RTL4: variants seen among roughly 807,000 people sequenced by gnomAD.
RTL4 encodes the protein retrotransposon Gag like 4.
In RTL4, 4 loss-of-function variants were observed where a neutral mutation model predicts 5.3. That is an observed-to-expected ratio of 0.75 (90% CI 0.37 to 1.72). RTL4 has a LOEUF of 1.72. Ranked by LOEUF, RTL4 falls within the 40% of genes most tolerant of loss-of-function variation. The probability of loss-of-function intolerance (pLI) is 0.04; values close to 1 mark genes in which losing one functional copy is unlikely to be tolerated. For synonymous variants in RTL4, 98 were observed against 87.3 expected (o/e 1.12, Z -0.68); for missense variants, 260 against 227.1 (o/e 1.14, Z -0.93).
the RTL4 span, among the ~76,000 whole-genome samples, chrX:112,301,707 AACAC>A: frequency 9.0e-6 from 1 of 111,011 alleles, no homozygotes; most frequent in African/African-American, 3.3e-5. Flanking sequence ...TCACACCAGT[AACAC>A]ACACACTTTG....
chrX:112,306,332 T>C, the RTL4 span, among the ~76,000 whole-genome samples: 1 of 111,743 alleles, frequency 8.9e-6, no homozygotes, highest in East Asian at 2.8e-4. Flanking sequence ...TGTGTGACAA[T>C]TGAGTAACTG....
At chrX:112,328,633 G>C in the RTL4 span, among the ~76,000 whole-genome samples, 1 of 111,569 alleles carries the variant, frequency 9.0e-6, no homozygotes, top group East Asian at 2.8e-4. Flanking sequence ...CCCAGGAATT[G>C]AACTCAGCTC....
chrX:112,305,640 A>C, the RTL4 span, among the ~76,000 whole-genome samples: 1 of 111,873 alleles, frequency 8.9e-6, no homozygotes, highest in Non-Finnish European at 1.9e-5. Flanking sequence ...CTGGGATTAC[A>C]GGCGTGAGCC....
At chrX:112,234,679 A>T in the RTL4 span, among the ~76,000 whole-genome samples, 14 of 111,993 alleles carry the variant, frequency 1.3e-4, no homozygotes, top group Non-Finnish European at 5.6e-5. Context: ...AGAGCAAATG[A>T]GTAGCGGTAG....
the RTL4 span, among the ~76,000 whole-genome samples, chrX:112,202,955 G>A: frequency 9.0e-6 from 1 of 111,678 alleles, no homozygotes; most frequent in Non-Finnish European, 1.9e-5. Context: ...TTCAATTTTT[G>A]TCATTCTGAT....
chrX:112,110,746 A>G, the RTL4 span, among the ~76,000 whole-genome samples: 15 of 111,999 alleles, frequency 1.3e-4, 1 homozygote, highest in South Asian at 3.4e-3. Context: ...TGAGCAGACC[A>G]ATTATTAGGC....
chrX:112,419,831 A>G, the RTL4 span, among the ~76,000 whole-genome samples: 1 of 108,003 alleles, frequency 9.3e-6, no homozygotes, highest in Non-Finnish European at 1.9e-5. Flanking sequence ...CAGGGCTACC[A>G]TATGCCATGA....
the RTL4 span, among the ~76,000 whole-genome samples, chrX:112,151,081 A>T: frequency 4.5e-5 from 5 of 111,991 alleles, no homozygotes; most frequent in Admixed American, 4.7e-4. Flanking sequence ...GAGTGGTCAC[A>T]GTACATCAAA....
At chrX:112,266,793 C>A in the RTL4 span, among the ~76,000 whole-genome samples, 2 of 111,475 alleles carry the variant, frequency 1.8e-5, no homozygotes, top group East Asian at 2.8e-4. Flanking sequence ...GATGTCATAG[C>A]TCTCATAGTT....
chrX:112,363,937 A>G, the RTL4 span, among the ~76,000 whole-genome samples: 25 of 111,140 alleles, frequency 2.2e-4, no homozygotes, highest in African/African-American at 7.8e-4. Context: ...GAGCAAAATC[A>G]TTTCTGATTA....
chrX:112,106,700 A>G, the RTL4 span, among the ~76,000 whole-genome samples: 2 of 111,456 alleles, frequency 1.8e-5, no homozygotes, highest in Non-Finnish European at 3.8e-5. Flanking sequence ...TTTTTTGCTA[A>G]TAGCCCTCTA....
At chrX:112,430,186 T>C in the RTL4 span, among the ~76,000 whole-genome samples, 10 of 111,409 alleles carry the variant, frequency 9.0e-5, no homozygotes, top group African/African-American at 2.9e-4. Flanking sequence ...ATAGGTGTTA[T>C]GCATTTTTCA....
the RTL4 span, among the ~76,000 whole-genome samples, chrX:112,118,260 G>A: frequency 2.7e-5 from 3 of 112,142 alleles, no homozygotes; most frequent in African/African-American, 9.7e-5. Context: ...ATGTTGATCT[G>A]TTCTGTAAGC....
the RTL4 span, among the ~76,000 whole-genome samples, chrX:112,209,022 C>T: frequency 8.9e-6 from 1 of 112,318 alleles, no homozygotes; most frequent in African/African-American, 3.2e-5. Context: ...TCCATCCCTG[C>T]CACCGTGGCC....
the RTL4 span, among the ~76,000 whole-genome samples, chrX:112,370,770 C>T: frequency 9.0e-6 from 1 of 111,151 alleles, no homozygotes; most frequent in Non-Finnish European, 1.9e-5. Context: ...GAGAAGCATT[C>T]CTCTCTTTCT....
chrX:112,103,821 A>G, the RTL4 span, among the ~76,000 whole-genome samples: 3 of 111,265 alleles, frequency 2.7e-5, no homozygotes, highest in Non-Finnish European at 5.7e-5. Context: ...ATGTTTTGAA[A>G]TATATATACA....
At chrX:112,150,922 G>T in the RTL4 span, among the ~76,000 whole-genome samples, 1 of 112,103 alleles carries the variant, frequency 8.9e-6, no homozygotes, top group Non-Finnish European at 1.9e-5. Context: ...AGCACTGTTT[G>T]TTTCTGCTCT....
chrX:112,138,309 T>C, the RTL4 span, among the ~76,000 whole-genome samples: 1 of 112,410 alleles, frequency 8.9e-6, no homozygotes, highest in Non-Finnish European at 1.9e-5. Context: ...GCTGGGTAAT[T>C]CCTAGATATC....
At chrX:112,154,634 A>C in the RTL4 span, among the ~76,000 whole-genome samples, 1 of 112,202 alleles carries the variant, frequency 8.9e-6, no homozygotes, top group Non-Finnish European at 1.9e-5. Flanking sequence ...AGATTTCCTT[A>C]AATAACTGGA....
Sources: gnomAD v4.1 joint callset for allele counts (sites outside exome capture counted in the v4.1 genomes callset) on GRCh38, gnomAD v4.1.1 for gene constraint, MANE v1.5 for transcripts, NCBI Gene and HGNC (gene_info 2026-07-23, HGNC 2026-07-21) for gene names.